The following OPRK1 variants were observed in gnomAD, a reference collection of about 807,000 sequenced individuals.
OPRK1 encodes the protein opioid receptor kappa 1.
OPRK1 carries 15 observed loss-of-function variants against 24.5 expected under a neutral mutation model. That is an observed-to-expected ratio of 0.61 (90% CI 0.41 to 0.94). The LOEUF (loss-of-function observed/expected upper bound fraction) is 0.94. Ranked by LOEUF, OPRK1 falls within the 40% of genes least tolerant of loss-of-function variation. The probability of loss-of-function intolerance (pLI) is 0.00; values close to 1 mark genes in which losing one functional copy is unlikely to be tolerated. For missense variants in OPRK1, 479 were observed against 507.3 expected, an observed-to-expected ratio of 0.94 and a Z score of 0.54; for synonymous variants, 205 against 198.0, an observed-to-expected ratio of 1.04 and a Z score of -0.30.
At chr8:53,233,005 G>A (rs537716296) in intron 3 of OPRK1, among the ~76,000 whole-genome samples, 1 of 152,278 alleles carries the variant, frequency 6.6e-6, no homozygotes, top group African/African-American at 2.4e-5. Context: ...TAGGCATGAA[G>A]AAACAAAATC....
chr8:53,236,751 T>TA (rs1807005822), intron 2 of OPRK1, among the ~76,000 whole-genome samples: 1 of 152,178 alleles, frequency 6.6e-6, no homozygotes, highest in African/African-American at 2.4e-5. Flanking sequence ...AATATGGTTT[T>TA]ATGTTTGAAA....
chr8:53,249,360 T>C (rs1807312260), intron 2 of OPRK1, among the ~76,000 whole-genome samples: 1 of 152,222 alleles, frequency 6.6e-6, no homozygotes, highest in African/African-American at 2.4e-5. Context: ...TCTTTTCTTT[T>C]GTCTAATTGT....
rs547895537 is a variant in OPRK1, at chr8:53,228,420, T to A, written c.*877A>T. ...TAATTCCCAGCAAAATGTCTCAGCATCAACTTAGCAACTCAGGGGATATCA... is the reference window on the plus strand; with the variant it reads ...TAATTCCCAGCAAAATGTCTCAGCAACAACTTAGCAACTCAGGGGATATCA... On this transcript the variant is annotated 3_prime_UTR_variant, in exon 4 of 4. Coordinates refer to ENST00000265572, the MANE Select transcript of OPRK1 (RefSeq NM_000912.5). 1 of 152,312 alleles carries A rather than the reference T, an allele frequency of 6.6e-6. No homozygotes were observed. The highest frequency in any genetic ancestry group is 1.9e-4 in the East Asian group (1 of 5,188). The allele number at this position is 152,312 out of a possible 1,614,324, so 9.4% of individuals were successfully genotyped here.
intron 2 of OPRK1, among the ~76,000 whole-genome samples, chr8:53,237,631 A>C (rs1052325339): frequency 4.6e-5 from 7 of 152,204 alleles, no homozygotes; most frequent in Non-Finnish European, 1.5e-5. Context: ...ATTTTCTTTA[A>C]AATTCTCAAA....
Position 53,250,989 on chromosome 8 carries a change from C to T in OPRK1, c.49G>A (p.Ala17Thr), listed in dbSNP as rs1176443966. 6.3e-7 allele frequency: 1 copy of T among 1,592,516 alleles called. No homozygotes were observed. Among genetic ancestry groups the T allele is most frequent in the East Asian group, 2.3e-5 (1 of 44,216 alleles). ...IFRGEPGPTC[A>T]PSACLPPNSS... is the part of the protein sequence containing the mutation. ...TTGGGGGGCAGGCAGGCGCTCGGGG[C>T]GCAGGTAGGGCCCGGCTCCCCGCGG... Residue 17 changes from alanine (A) to threonine (T), a missense_variant, in exon 2 of 4, where the codon GCC (alanine) becomes ACC (threonine). Coordinates refer to ENST00000265572, the MANE Select transcript of OPRK1 (RefSeq NM_000912.5).
At chr8:53,243,423 C>T (rs746303740) in intron 2 of OPRK1, among the ~76,000 whole-genome samples, 2 of 152,216 alleles carry the variant, frequency 1.3e-5, no homozygotes, top group Non-Finnish European at 1.5e-5. Context: ...AAAGTCAACA[C>T]AATCAAGAAA....
chr8:53,239,928 G>A (rs1454048884), intron 2 of OPRK1, among the ~76,000 whole-genome samples: 1 of 152,182 alleles, frequency 6.6e-6, no homozygotes, highest in African/African-American at 2.4e-5. Flanking sequence ...AGGAACTCAG[G>A]CTTGTCTTAT....
chr8:53,229,689 G>A lies in OPRK1; in HGVS notation c.751C>T (p.Leu251=), dbSNP rs369260478. 1.2e-6 allele frequency: 2 copies of A among 1,614,014 alleles called. No individual in the cohort carries two copies. The highest frequency in any genetic ancestry group is 2.7e-5 in the African/African-American group (2 of 74,908). ...AGGAGCCGGACGCTCTTGAGACGCA[G>A]GATCATCAGGGTGTAGCAGACGATG... is the stretch of plus-strand genomic sequence containing the variant. ...IIIVCYTLMI[L]RLKSVRLLSG... The change falls in exon 4 of 4, where the codon CTG becomes TTG. Residue 251 remains leucine, a synonymous_variant. Coordinates refer to ENST00000265572, the MANE Select transcript of OPRK1 (RefSeq NM_000912.5).
At chr8:53,230,852 C>T (rs956923896) in intron 3 of OPRK1, among the ~76,000 whole-genome samples, 1 of 152,126 alleles carries the variant, frequency 6.6e-6, no homozygotes, top group African/African-American at 2.4e-5. Context: ...AGCGTGATTA[C>T]AGTAATGAAA....
intron 3 of OPRK1, among the ~76,000 whole-genome samples, chr8:53,234,177 T>C: frequency 1.6e-5 from 1 of 63,912 alleles, no homozygotes. Flanking sequence ...AGCAAGACTC[T>C]CTCTCAAAAA....
intron 2 of OPRK1, among the ~76,000 whole-genome samples, chr8:53,246,765 G>A (rs1463220645): frequency 6.6e-6 from 1 of 152,094 alleles, no homozygotes; most frequent in Non-Finnish European, 1.5e-5. Context: ...TGAAGTACTG[G>A]GTAAAAACAC....
At chr8:53,242,782 G>A (rs57560123) in intron 2 of OPRK1, 115,395 of 1,189,452 alleles carry the variant, frequency 0.097, 6,376 homozygotes, top group African/African-American at 0.21. Flanking sequence ...CTGGGATTAC[G>A]GGCCTGAGCC....
chr8:53,251,187 C>T (rs1276080696), intron 1 of OPRK1, 102 bp from the exon 2 acceptor site: 3 of 1,286,854 alleles, frequency 2.3e-6, no homozygotes, highest in East Asian at 6.0e-5. Context: ...CCACCCGGGC[C>T]GCAAGTCGCC....
chr8:53,231,712 C>G (rs1372653946), intron 3 of OPRK1, among the ~76,000 whole-genome samples: 1 of 152,174 alleles, frequency 6.6e-6, no homozygotes, highest in East Asian at 1.9e-4. Context: ...ACATGTGGTG[C>G]ATAAACAGAA....
In OPRK1 at chr8:53,251,090, G is replaced by A; in HGVS notation, c.-48-5C>T. The A allele has an allele frequency of 1.4e-6, 2 of 1,436,394 alleles. No homozygotes were observed. The highest frequency in any genetic ancestry group is 1.5e-5 in the South Asian group (1 of 67,160). 89.0% of individuals were successfully genotyped at this position (1,436,394 alleles called of 1,614,324 possible). ...GGACAGGCGGCACCTGCGGCGCTGC[G>A]GGAGCGAAAGAACCGGCTGGACGCG... On this transcript the variant is annotated splice_polypyrimidine_tract_variant and splice_region_variant and intron_variant, in intron 1 of 3. Coordinates refer to ENST00000265572, the MANE Select transcript of OPRK1 (RefSeq NM_000912.5).
rs1806759457 is a variant in OPRK1 at position 53,228,262 on chromosome 8, A to T, written c.*1035T>A. The T allele has an allele frequency of 6.6e-6, 1 of 152,230 alleles. No individual in the cohort carries two copies. The highest frequency in any genetic ancestry group is 2.1e-4 in the South Asian group (1 of 4,832). 9.4% of individuals were successfully genotyped at this position (152,230 alleles called of 1,614,324 possible). A position where few individuals can be genotyped will look rare whatever the true frequency, so the allele number is the denominator to read the frequency against. ...TATATGTTCATAAAGAGATGTGGCA[A>T]ATAAACTAGATCCTGCGAAGGCTAC... On this transcript the variant is annotated 3_prime_UTR_variant, in exon 4 of 4. Transcript: ENST00000265572.
intron 2 of OPRK1, among the ~76,000 whole-genome samples, 184 bp from the exon 3 acceptor site, chr8:53,235,295 C>A (rs1806963980): frequency 6.6e-6 from 1 of 152,082 alleles, no homozygotes; most frequent in Non-Finnish European, 1.5e-5. Context: ...ACAAAGATCT[C>A]CAACTTTATT....
At chr8:53,238,590 C>T (rs1285055719) in intron 2 of OPRK1, 3 of 985,420 alleles carry the variant, frequency 3.0e-6, no homozygotes, top group Non-Finnish European at 2.4e-6. Context: ...GTTCCAGAGA[C>T]TTAGAAATGC....
Position 53,227,125 on chromosome 8 carries a change from G to T in OPRK1, c.*2172C>A, listed in dbSNP as rs1336457684. 6.6e-6 allele frequency: 1 copy of T among 152,446 alleles called. No homozygotes were observed. Among genetic ancestry groups the T allele is most frequent in the Non-Finnish European group, 1.5e-5 (1 of 68,270 alleles). 9.4% of individuals were successfully genotyped at this position (152,446 alleles called of 1,614,324 possible). On this transcript the variant is annotated 3_prime_UTR_variant, in exon 4 of 4. Transcript: ENST00000265572. ...ATACAAAAATTAGCCGGGCTTGGCG[G>T]TGCACGCCTGTAATCCCAGCTACTT...
Sources: allele counts gnomAD v4.1 joint callset (sites outside exome capture counted in the v4.1 genomes callset), GRCh38; gene constraint gnomAD v4.1.1; transcripts MANE v1.5; gene names NCBI Gene and HGNC (gene_info 2026-07-23, HGNC 2026-07-21).